Variants in TMEM87A observed in about 807,000 individuals in gnomAD.
TMEM87A encodes transmembrane protein 87A.
TMEM87A carries 50 observed loss-of-function variants against 90.0 expected under a neutral mutation model. The ratio of observed to expected loss-of-function variants is 0.56; its 90% CI spans 0.44 to 0.70. The LOEUF (loss-of-function observed/expected upper bound fraction) is 0.70, where lower values mean the gene tolerates loss of function less well. Ranked by LOEUF, TMEM87A falls within the 30% of genes least tolerant of loss-of-function variation. The pLI, the probability that TMEM87A is intolerant of heterozygous loss-of-function variation, is 0.00. For synonymous variants in TMEM87A, 226 were observed against 226.7 expected (o/e 1.00, Z 0.03); for missense variants, 577 against 660.5 (o/e 0.87, Z 1.39).
chr15:42,231,805 C>T (rs907729218), intron 11 of TMEM87A: 2 of 1,072,580 alleles, frequency 1.9e-6, no homozygotes, highest in African/African-American at 3.3e-5. Flanking sequence ...TTTTATATAA[C>T]CCTAATTACC....
chr15:42,264,579 G>A (rs1180337552), intron 3 of TMEM87A, among the ~76,000 whole-genome samples: 3 of 151,448 alleles, frequency 2.0e-5, no homozygotes, highest in African/African-American at 7.3e-5. Flanking sequence ...GAAAATTGTT[G>A]CAAGCACAGA....
At chr15:42,246,128 T>G (rs2050967570) in intron 6 of TMEM87A, among the ~76,000 whole-genome samples, 1 of 152,210 alleles carries the variant, frequency 6.6e-6, no homozygotes, top group Admixed American at 6.5e-5. Flanking sequence ...ATTACGGACA[T>G]TTCATATAAA....
chr15:42,265,959 A>G (rs925221580), intron 3 of TMEM87A, among the ~76,000 whole-genome samples: 1 of 152,134 alleles, frequency 6.6e-6, no homozygotes, highest in Admixed American at 6.6e-5. Context: ...ACTATCTACT[A>G]AATAGGGAGT....
chr15:42,232,015 C>A, intron 11 of TMEM87A: 1 of 487,722 alleles, frequency 2.1e-6, no homozygotes, highest in Admixed American at 5.2e-5. Flanking sequence ...ATTTGAAAAG[C>A]AAATGTGCAT....
At chr15:42,272,466 T>C (rs940979974) in intron 1 of TMEM87A, among the ~76,000 whole-genome samples, 1 of 152,206 alleles carries the variant, frequency 6.6e-6, no homozygotes, top group East Asian at 1.9e-4. Flanking sequence ...CAAATAAGAT[T>C]TGGACATTAC....
At chr15:42,238,368 GA>G in intron 8 of TMEM87A, among the ~76,000 whole-genome samples, 1 of 152,144 alleles carries the variant, frequency 6.6e-6, no homozygotes, top group African/African-American at 2.4e-5. Flanking sequence ...AGGAGTTCAA[GA>G]CCAGCCTGGC....
chr15:42,227,682 CA>C, intron 14 of TMEM87A, 28 bp downstream of exon 14: 1 of 1,594,964 alleles, frequency 6.3e-7, no homozygotes, highest in Non-Finnish European at 8.6e-7. Flanking sequence ...TAAGACAGTA[CA>C]TTATTCATAA....
In TMEM87A at chr15:42,254,359, T is replaced by C. The variant is rs549647812; in HGVS notation, c.504+6599A>G. ...ATCTAGCAGTCATGCTCCTTGATAA[T>C]TACCCAAATGAGTTGAAAACTTATG... is the stretch of plus-strand genomic sequence containing the variant. On this transcript the variant is annotated intron_variant, in intron 6 of 19. Coordinates refer to ENST00000389834, the MANE Select transcript of TMEM87A (RefSeq NM_015497.5). 3.9e-4 allele frequency among the ~76,000 whole-genome samples: 59 copies of C among 152,336 alleles called. 1 individual carries two copies. In the South Asian group the frequency reaches 8.5e-3, roughly 22 times the overall value.
chr15:42,227,617 A>T (rs768243569), intron 14 of TMEM87A, 94 bp downstream of exon 14: 27 of 1,101,148 alleles, frequency 2.5e-5, no homozygotes, highest in Non-Finnish European at 3.4e-5. Flanking sequence ...AATTTTTTAT[A>T]AGGTATATAA....
intron 6 of TMEM87A, chr15:42,258,435 CT>C (rs955434335): frequency 3.4e-3 from 2,079 of 612,426 alleles, no homozygotes; most frequent in Non-Finnish European, 3.8e-3. Context: ...TATCTTTTTT[CT>C]TTTTTTTTTG....
chr15:42,259,180 T>C (rs930868374), intron 6 of TMEM87A, among the ~76,000 whole-genome samples: 2 of 152,178 alleles, frequency 1.3e-5, no homozygotes, highest in Non-Finnish European at 2.9e-5. Flanking sequence ...TGGAGTGCAG[T>C]GGTGTGATCT....
chr15:42,262,511 C>T (rs1168987032), intron 4 of TMEM87A, among the ~76,000 whole-genome samples: 1 of 151,114 alleles, frequency 6.6e-6, no homozygotes, highest in Non-Finnish European at 1.5e-5. Context: ...ACTATCTCAG[C>T]CTCCTGGGTT....
intron 12 of TMEM87A, 137 bp from the exon 13 acceptor site, chr15:42,228,957 CACTT>C (rs2050642890): frequency 1.8e-6 from 1 of 561,500 alleles, no homozygotes; most frequent in African/African-American, 2.0e-5. Flanking sequence ...CTCTTATTCT[CACTT>C]AATCTCACAA....
chr15:42,214,201 G>A (rs1260303946), intron 19 of TMEM87A, among the ~76,000 whole-genome samples: 1 of 151,970 alleles, frequency 6.6e-6, no homozygotes, highest in Middle Eastern at 3.2e-3. Flanking sequence ...CAAAAAAACA[G>A]CCCAGGACCA....
intron 15 of TMEM87A, among the ~76,000 whole-genome samples, chr15:42,226,248 C>T (rs1201999058): frequency 6.6e-6 from 1 of 152,006 alleles, no homozygotes; most frequent in Non-Finnish European, 1.5e-5. Context: ...GATCCAACTG[C>T]CTTGGCCTCC....
intron 7 of TMEM87A, among the ~76,000 whole-genome samples, chr15:42,241,849 T>C (rs767690049): frequency 6.6e-5 from 10 of 151,894 alleles, no homozygotes; most frequent in Non-Finnish European, 5.9e-5. Context: ...ATCTAGTAGA[T>C]TTAATAATTT....
chr15:42,269,296 T>C (rs1435034661), intron 2 of TMEM87A, among the ~76,000 whole-genome samples: 1 of 152,222 alleles, frequency 6.6e-6, no homozygotes, highest in Non-Finnish European at 1.5e-5. Flanking sequence ...CATGACTGCA[T>C]TTAGGAATCT....
intron 10 of TMEM87A, among the ~76,000 whole-genome samples, chr15:42,234,112 A>G (rs1242843541): frequency 6.6e-6 from 1 of 152,180 alleles, no homozygotes; most frequent in Non-Finnish European, 1.5e-5. Context: ...AACATCACCA[A>G]GATACCACCA....
rs531281380 is a variant in TMEM87A, at chr15:42,243,907, A to G, written c.622+143T>C. ...TTCAGAATACTGAAAACATGTTACTAACTAAAAATTTTAACAGCAGGAGTG... is the reference window on the plus strand; with the variant it reads ...TTCAGAATACTGAAAACATGTTACTGACTAAAAATTTTAACAGCAGGAGTG... On this transcript the variant is annotated intron_variant, in intron 7 of 19. Transcript: ENST00000389834. The G allele has an allele frequency of 1.5e-4, 70 of 481,068 alleles. No homozygotes were observed. The East Asian group carries it at 1.7e-3, about 12-fold the overall frequency. The allele number at this position is 481,068 out of a possible 1,614,324, so 29.8% of individuals were successfully genotyped here.
Sources: gnomAD v4.1 joint callset for allele counts (sites outside exome capture counted in the v4.1 genomes callset) on GRCh38, gnomAD v4.1.1 for gene constraint, MANE v1.5 for transcripts, NCBI Gene and HGNC (gene_info 2026-07-23, HGNC 2026-07-21) for gene names.